SEMA3A: variants seen among roughly 807,000 people sequenced by gnomAD.
SEMA3A encodes the protein semaphorin-3A.
Under a neutral mutation model 97.9 loss-of-function variants are expected in SEMA3A, and 29 were observed. The ratio of observed to expected loss-of-function variants is 0.30; its 90% CI spans 0.22 to 0.40. SEMA3A has a LOEUF of 0.40. Among genes scored for constraint, SEMA3A ranks in the 10% least tolerant of loss-of-function variants. The pLI, the probability that SEMA3A is intolerant of heterozygous loss-of-function variation, is 1.00. For synonymous variants in SEMA3A, 321 were observed against 323.7 expected, an observed-to-expected ratio of 0.99 and a Z score of 0.09; for missense variants, 763 against 951.3, an observed-to-expected ratio of 0.80 and a Z score of 2.60.
intron 4 of SEMA3A, among the ~76,000 whole-genome samples, chr7:84,065,728 T>A (rs1371441223): frequency 2.6e-5 from 4 of 152,224 alleles, no homozygotes; most frequent in Non-Finnish European, 4.4e-5. Context: ...AGGAAGAAGT[T>A]GAATCTCTGA....
At chr7:83,999,909 G>A (rs1018245875) in intron 12 of SEMA3A, among the ~76,000 whole-genome samples, 104 of 152,144 alleles carry the variant, frequency 6.8e-4, no homozygotes, top group African/African-American at 1.8e-3. Flanking sequence ...GATAACTTGT[G>A]ACTGTTCCTA....
chr7:84,376,258 C>T (rs1803094920), intron 1 of SEMA3A, among the ~76,000 whole-genome samples: 1 of 152,128 alleles, frequency 6.6e-6, no homozygotes, highest in South Asian at 2.1e-4. Flanking sequence ...TGTTGAGGAA[C>T]TTTCACACTG....
At position 84,080,144 on chromosome 7, in the gene SEMA3A, A is replaced by G. The variant is rs979049187; in HGVS notation, c.454-19586T>C. Among the ~76,000 whole-genome samples the G allele has an allele frequency of 6.0e-5, 7 of 116,754 alleles. 1 individual carries two copies. Among genetic ancestry groups the G allele is most frequent in the Non-Finnish European group, 1.1e-4 (7 of 61,050 alleles). The allele number at this position is 116,754 out of a possible 152,430, so 76.6% of individuals were successfully genotyped here. On this transcript the variant is annotated intron_variant, in intron 4 of 16. Coordinates refer to ENST00000265362, the MANE Select transcript of SEMA3A (RefSeq NM_006080.3). ...TGCATGTTCTCACTCATAGATGGGA[A>G]TTGAACAATGAGAACACATGGACAC... is the stretch of plus-strand genomic sequence containing the variant.
chr7:84,464,232 C>T (rs1167212612), intron 1 of SEMA3A, among the ~76,000 whole-genome samples: 1 of 152,124 alleles, frequency 6.6e-6, no homozygotes, highest in African/African-American at 2.4e-5. Context: ...TTTTTTCAGC[C>T]TAAGCAATGT....
chr7:84,106,325 C>T (rs1353626293), intron 4 of SEMA3A, among the ~76,000 whole-genome samples: 1 of 152,084 alleles, frequency 6.6e-6, no homozygotes, highest in Non-Finnish European at 1.5e-5. Context: ...TATTATTATG[C>T]TACACATTGC....
chr7:84,060,593 CT>C, intron 4 of SEMA3A, 35 bp from the exon 5 acceptor site: 3 of 1,395,804 alleles, frequency 2.1e-6, no homozygotes, highest in Non-Finnish European at 2.9e-6. Flanking sequence ...AAAGGGTTTC[CT>C]TTATATATAA....
intron 1 of SEMA3A, among the ~76,000 whole-genome samples, chr7:84,143,799 CAAA>C (rs71522691): frequency 1.4e-5 from 2 of 145,680 alleles, no homozygotes; most frequent in South Asian, 4.4e-4. Context: ...GAGACCCTGT[CAAA>C]AAAAAAAAGA....
chr7:84,040,627 T>C (rs1250466204), intron 6 of SEMA3A, among the ~76,000 whole-genome samples: 1 of 152,054 alleles, frequency 6.6e-6, no homozygotes, highest in Non-Finnish European at 1.5e-5. Context: ...TGCATTGTCA[T>C]GGCATCCACT....
At chr7:84,363,762 G>T (rs1377866715) in intron 2 of SEMA3A, among the ~76,000 whole-genome samples, 1 of 151,792 alleles carries the variant, frequency 6.6e-6, no homozygotes, top group Non-Finnish European at 1.5e-5. Flanking sequence ...AGTCCTGATT[G>T]GTCTAGGCCA....
chr7:84,401,668 C>A (rs1328183521), intron 1 of SEMA3A, among the ~76,000 whole-genome samples: 2 of 152,004 alleles, frequency 1.3e-5, no homozygotes, highest in Admixed American at 1.3e-4. Flanking sequence ...GACACATAGA[C>A]CAATGGAACA....
At chr7:84,352,466 G>T (rs1014959591) in intron 2 of SEMA3A, among the ~76,000 whole-genome samples, 4 of 138,034 alleles carry the variant, frequency 2.9e-5, no homozygotes, top group Non-Finnish European at 4.7e-5. Flanking sequence ...ATTACACATT[G>T]TATGTTGGTA....
intron 14 of SEMA3A, among the ~76,000 whole-genome samples, chr7:83,980,502 G>C (rs1789347119): frequency 6.7e-6 from 1 of 149,970 alleles, no homozygotes; most frequent in African/African-American, 2.5e-5. Flanking sequence ...CTACTCGGGA[G>C]GGTGAGACAG....
At chr7:84,208,878 T>C (rs1479310121) in intron 3 of SEMA3A, among the ~76,000 whole-genome samples, 1 of 152,214 alleles carries the variant, frequency 6.6e-6, no homozygotes, top group African/African-American at 2.4e-5. Context: ...TACATGGATC[T>C]AAAGGTAAAC....
At chr7:84,184,703 G>A (rs952539756) in intron 1 of SEMA3A, among the ~76,000 whole-genome samples, 1 of 151,950 alleles carries the variant, frequency 6.6e-6, no homozygotes, top group Admixed American at 6.6e-5. Context: ...ATCAGACCCT[G>A]CACCCAGCAT....
intron 1 of SEMA3A, among the ~76,000 whole-genome samples, chr7:84,473,349 A>C (rs1396426624): frequency 6.7e-6 from 1 of 149,622 alleles, no homozygotes; most frequent in African/African-American, 2.4e-5. Flanking sequence ...TCTATAGATA[A>C]ATCTTATATA....
chr7:83,977,144 C>T lies in SEMA3A; in HGVS notation c.1705G>A (p.Asp569Asn). ...RNGDPLTHCS[D>N]LHHDNHHGHS... ...AAATGTGACTTACCATGGTGTAAGT[C>T]TGAACAGTGAGTCAGTGGGTCTCCA... Residue 569 changes from aspartate (D) to asparagine (N), a missense_variant, in exon 15 of 17, where the codon GAC (aspartate) becomes AAC (asparagine). This residue lies in a region of SEMA3A where 678 missense variants were observed against 881.3 expected (regional missense o/e 0.77). Coordinates refer to ENST00000265362, the MANE Select transcript of SEMA3A (RefSeq NM_006080.3). 1 of 1,579,862 alleles carries T rather than the reference C, an allele frequency of 6.3e-7. No individual in the cohort carries two copies. The highest frequency in any genetic ancestry group is 8.6e-7 in the Non-Finnish European group (1 of 1,161,124).
At chr7:84,066,731 T>C (rs1268253481) in intron 4 of SEMA3A, among the ~76,000 whole-genome samples, 3 of 151,802 alleles carry the variant, frequency 2.0e-5, no homozygotes, top group Non-Finnish European at 2.9e-5. Flanking sequence ...GAAGGACCTC[T>C]TCAAGGAGAA....
intron 6 of SEMA3A, among the ~76,000 whole-genome samples, chr7:84,020,069 G>T: frequency 1.3e-5 from 1 of 79,914 alleles, no homozygotes; most frequent in Non-Finnish European, 2.4e-5. Context: ...TTTTTGAGAC[G>T]GAGTCTCACT....
chr7:84,063,675 G>T (rs954344990), intron 4 of SEMA3A, among the ~76,000 whole-genome samples: 1 of 151,520 alleles, frequency 6.6e-6, no homozygotes, highest in Non-Finnish European at 1.5e-5. Context: ...ATCAGCGATG[G>T]AAGATGAAAT....
Sources: allele counts gnomAD v4.1 joint callset (sites outside exome capture counted in the v4.1 genomes callset), GRCh38; gene constraint gnomAD v4.1.1; regional missense constraint gnomAD v4.1.1; transcripts MANE v1.5; gene names NCBI Gene and HGNC (gene_info 2026-07-23, HGNC 2026-07-21).